Variants in TES observed in about 807,000 individuals in gnomAD.
The protein encoded by TES is testin LIM domain protein.
In TES, 41 loss-of-function variants were observed where a neutral mutation model predicts 48.2. The observed-to-expected ratio is 0.85, with a 90% CI of 0.66 to 1.10. The LOEUF (loss-of-function observed/expected upper bound fraction) is 1.10, where lower values mean the gene tolerates loss of function less well. Among genes scored for constraint, TES ranks in the 50% least tolerant of loss-of-function variants. The pLI is 0.00. For missense variants in TES, 463 were observed against 515.1 expected, an observed-to-expected ratio of 0.90 and a Z score of 0.98; for synonymous variants, 162 against 174.9, an observed-to-expected ratio of 0.93 and a Z score of 0.58.
At chr7:116,216,698 G>A (rs1430877552) in intron 1 of TES, among the ~76,000 whole-genome samples, 1 of 151,994 alleles carries the variant, frequency 6.6e-6, no homozygotes, top group Admixed American at 6.6e-5. Context: ...ACAAATCTTA[G>A]CTATTTTCAA....
chr7:116,217,922 T>A, intron 1 of TES: 1 of 510,878 alleles, frequency 2.0e-6, no homozygotes, highest in Non-Finnish European at 3.9e-6. Context: ...GCGATAAGGA[T>A]ATGCATGACT....
intron 6 of TES, among the ~76,000 whole-genome samples, chr7:116,254,289 A>G (rs1300594461): frequency 6.6e-6 from 1 of 151,260 alleles, no homozygotes; most frequent in African/African-American, 2.4e-5. Context: ...GTGCTCAATA[A>G]AAATTTATTG....
chr7:116,239,432 C>G (rs1450318990), intron 2 of TES, among the ~76,000 whole-genome samples: 2 of 152,166 alleles, frequency 1.3e-5, no homozygotes, highest in South Asian at 4.1e-4. Flanking sequence ...CTGATTGTAC[C>G]TAATCCTCCT....
chr7:116,248,031 A>G (rs1799951305), intron 2 of TES, among the ~76,000 whole-genome samples: 1 of 152,092 alleles, frequency 6.6e-6, no homozygotes, highest in African/African-American at 2.4e-5. Flanking sequence ...TGTGTACTCA[A>G]TATTTAGCTC....
In TES at chr7:116,210,603, G is replaced by A; in HGVS notation, c.-105G>A. ...GCGAGTGGCTGTTGAGCGGCGCCGC[G>A]GGAGTTCCGCAGGTTTCCCGTGTTC... On this transcript the variant is annotated 5_prime_UTR_variant, in exon 1 of 7. Coordinates refer to ENST00000358204, the MANE Select transcript of TES (RefSeq NM_015641.4). The A allele has an allele frequency of 1.7e-6, 2 of 1,197,532 alleles. No homozygotes were observed. Among genetic ancestry groups the A allele is most frequent in the Non-Finnish European group, 2.1e-6 (2 of 935,362 alleles). The allele number at this position is 1,197,532 out of a possible 1,614,324, so 74.2% of individuals were successfully genotyped here.
chr7:116,251,955 C>T lies in TES; in HGVS notation c.898C>T (p.Arg300Ter), dbSNP rs369902537. 12 of 1,614,054 alleles carry T rather than the reference C, an allele frequency of 7.4e-6. No homozygotes were observed. The highest frequency in any genetic ancestry group is 1.7e-5 in the Admixed American group (1 of 60,000). Reference protein sequence around the residue: ...GRHYCDSEKPRCAGCDELIFS... With the variant: ...GRHYCDSEKP ...ACATTACTGTGACAGCGAGAAACCCCGATGTGCTGGCTGTGACGAGGTATG... is the reference window on the plus strand; with the variant it reads ...ACATTACTGTGACAGCGAGAAACCCTGATGTGCTGGCTGTGACGAGGTATG... Residue 300 changes from arginine to a stop codon, truncating the protein, a stop_gained, in exon 5 of 7, where the codon CGA becomes TGA. Transcript: ENST00000358204. LOFTEE classifies it high-confidence loss of function.
intron 1 of TES, among the ~76,000 whole-genome samples, chr7:116,227,088 T>TTTTATTTATTTA (rs10562977): frequency 7.1e-6 from 1 of 140,172 alleles, no homozygotes; most frequent in Non-Finnish European, 1.5e-5. Context: ...ACACTTTTTA[T>TTTTATTTATTTA]TTTATTTATT....
At chr7:116,210,882 C>G (rs1039725990) in intron 1 of TES, 148 bp downstream of exon 1, 9 of 640,710 alleles carry the variant, frequency 1.4e-5, no homozygotes, top group African/African-American at 1.4e-4. Context: ...GCCCAGGGAC[C>G]TGGCCCCCTG....
At chr7:116,239,986 T>C (rs1440544149) in intron 2 of TES, among the ~76,000 whole-genome samples, 1 of 152,222 alleles carries the variant, frequency 6.6e-6, no homozygotes, top group Admixed American at 6.5e-5. Flanking sequence ...TAAAGTCTCC[T>C]AATAAAACAG....
intron 2 of TES, among the ~76,000 whole-genome samples, chr7:116,244,878 G>A (rs1368306267): frequency 2.0e-5 from 3 of 152,212 alleles, no homozygotes; most frequent in African/African-American, 7.2e-5. Context: ...AACACCGTAT[G>A]GAAGCTGCCA....
intron 6 of TES, among the ~76,000 whole-genome samples, chr7:116,254,398 T>A (rs1800063494): frequency 6.6e-6 from 1 of 152,134 alleles, no homozygotes; most frequent in Non-Finnish European, 1.5e-5. Context: ...ACAGATATGA[T>A]TTGTTTAAAT....
intron 1 of TES, among the ~76,000 whole-genome samples, chr7:116,218,907 A>C (rs1360267619): frequency 1.3e-5 from 2 of 152,156 alleles, no homozygotes; most frequent in African/African-American, 4.8e-5. Context: ...CAATTAAAAA[A>C]ATTATTAAAT....
rs144548623 is a variant in TES, at chr7:116,230,435, A to G, written c.28-4099A>G. On this transcript the variant is annotated intron_variant, in intron 1 of 6. Transcript: ENST00000358204. ...AAGGGCAAAAGAACCCTGGAACAAT[A>G]CTTTCTGGGTTTTCCAGAGCGGCCT... Among the ~76,000 whole-genome samples the G allele has an allele frequency of 1.7e-3, 257 of 152,314 alleles. 2 individuals are homozygous for G. The highest frequency in any genetic ancestry group is 5.9e-3 in the African/African-American group (247 of 41,576).
chr7:116,256,506 G>C (rs1563017024), intron 6 of TES, among the ~76,000 whole-genome samples: 1 of 152,176 alleles, frequency 6.6e-6, no homozygotes, highest in African/African-American at 2.4e-5. Context: ...TCAGAGGTCC[G>C]AACTGGTTTT....
intron 2 of TES, among the ~76,000 whole-genome samples, chr7:116,238,708 T>G (rs2116605194): frequency 6.6e-6 from 1 of 152,084 alleles, no homozygotes; most frequent in South Asian, 2.1e-4. Context: ...TTCAAGTGAT[T>G]CTCCTGCCTG....
chr7:116,240,391 AT>A (rs1799829313), intron 2 of TES, among the ~76,000 whole-genome samples: 2 of 152,004 alleles, frequency 1.3e-5, no homozygotes, highest in Non-Finnish European at 2.9e-5. Flanking sequence ...AAATATGTTT[AT>A]TTGTCTGAGG....
chr7:116,234,649 G>A (rs376388354), intron 2 of TES, 30 bp downstream of exon 2: 25 of 1,571,452 alleles, frequency 1.6e-5, no homozygotes, highest in Middle Eastern at 1.7e-4. Flanking sequence ...AACCACATTA[G>A]TAATTTATAC....
At chr7:116,237,528 C>T (rs1799787529) in intron 2 of TES, among the ~76,000 whole-genome samples, 1 of 152,080 alleles carries the variant, frequency 6.6e-6, no homozygotes, top group Non-Finnish European at 1.5e-5. Flanking sequence ...ATACTATTCC[C>T]TGAAATTTTG....
At chr7:116,243,916 C>T (rs1799886560) in intron 2 of TES, 1 of 152,200 alleles carries the variant, frequency 6.6e-6, no homozygotes, top group African/African-American at 2.4e-5. Flanking sequence ...TCCTTCTTCA[C>T]ATGGTGGCAG....
Sources: gnomAD v4.1 joint callset for allele counts (sites outside exome capture counted in the v4.1 genomes callset) on GRCh38, gnomAD v4.1.1 for gene constraint, MANE v1.5 for transcripts, NCBI Gene and HGNC (gene_info 2026-07-23, HGNC 2026-07-21) for gene names.